Variants in EPHB1 observed in about 807,000 individuals in gnomAD.
EPHB1 encodes the protein EPH receptor B1.
Under a neutral mutation model 94.4 loss-of-function variants are expected in EPHB1, and 30 were observed. That is an observed-to-expected ratio of 0.32 (90% CI 0.24 to 0.43). The LOEUF (loss-of-function observed/expected upper bound fraction) is 0.43. Ranked by LOEUF, EPHB1 falls within the 20% of genes least tolerant of loss-of-function variation. EPHB1 has a pLI of 1.00. For missense variants in EPHB1, 1,055 were observed against 1,308.3 expected (o/e 0.81, Z 2.99); for synonymous variants, 522 against 489.1 (o/e 1.07, Z -0.89).
At chr3:135,058,823 T>C (rs1383737743) in intron 3 of EPHB1, among the ~76,000 whole-genome samples, 1 of 152,224 alleles carries the variant, frequency 6.6e-6, no homozygotes, top group Non-Finnish European at 1.5e-5. Context: ...GTAGGTGGGT[T>C]TCTTCCCTGC....
intron 1 of EPHB1, among the ~76,000 whole-genome samples, chr3:134,804,542 T>C (rs938903057): frequency 6.6e-6 from 1 of 152,128 alleles, no homozygotes; most frequent in Non-Finnish European, 1.5e-5. Flanking sequence ...TGTGCCTGGA[T>C]CTTGGTGGGT....
intron 1 of EPHB1, among the ~76,000 whole-genome samples, chr3:134,858,648 T>C (rs2037177320): frequency 6.6e-6 from 1 of 152,130 alleles, no homozygotes. Context: ...GCGTCTCTGC[T>C]CTGGAAAGGC....
At chr3:135,062,706 T>C (rs939204016) in intron 3 of EPHB1, among the ~76,000 whole-genome samples, 2 of 152,196 alleles carry the variant, frequency 1.3e-5, no homozygotes, top group Non-Finnish European at 2.9e-5. Context: ...CCCAGCTATT[T>C]ATCTTTGTTT....
intron 1 of EPHB1, among the ~76,000 whole-genome samples, chr3:134,861,601 G>A (rs1030801434): frequency 5.9e-5 from 9 of 152,220 alleles, no homozygotes; most frequent in African/African-American, 1.7e-4. Context: ...TTACGGAAGG[G>A]ATGGGAGCGG....
chr3:135,218,157 C>A lies in EPHB1; in HGVS notation c.2346+16468C>A, dbSNP rs911291461. Among the ~76,000 whole-genome samples, 8 of 152,196 alleles carry A rather than the reference C, an allele frequency of 5.3e-5. 2 individuals carry two copies. The highest frequency in any genetic ancestry group is 5.2e-4 in the Admixed American group (8 of 15,300). On this transcript the variant is annotated intron_variant, in intron 12 of 15. Transcript: ENST00000398015. Reference sequence around the variant, plus strand: ...GGAGAGGGATGAAGACAAGCAAAGACAAGACAGAGAGACCCTTTAATTGAA... The same window carrying A: ...GGAGAGGGATGAAGACAAGCAAAGAAAAGACAGAGAGACCCTTTAATTGAA...
chr3:135,256,721 C>CTTTGTGGCGTTCTCTGTATT (rs1933409541), intron 15 of EPHB1, among the ~76,000 whole-genome samples: 1 of 152,070 alleles, frequency 6.6e-6, no homozygotes, highest in Admixed American at 6.5e-5. Context: ...CGAGGAGTAT[C>CTTTGTGGCGTTCTCTGTATT]TTTGTGGCGT....
At chr3:135,160,901 T>A (rs914081632) in intron 6 of EPHB1, among the ~76,000 whole-genome samples, 3 of 152,094 alleles carry the variant, frequency 2.0e-5, no homozygotes, top group African/African-American at 7.2e-5. Context: ...CCTAAGCAAA[T>A]GTCTGCTGGC....
Position 135,077,212 on chromosome 3 carries a change from G to A in EPHB1, c.806-29236G>A, listed in dbSNP as rs1431039635. On this transcript the variant is annotated intron_variant, in intron 3 of 15. Transcript: ENST00000398015. ...GGAGAGTGGGCTTTGGACCCCGTGGGACAAGTCTCAGCCTCCAGGGAAGGC... is the reference window on the plus strand; with the variant it reads ...GGAGAGTGGGCTTTGGACCCCGTGGAACAAGTCTCAGCCTCCAGGGAAGGC... Among the ~76,000 whole-genome samples the A allele has an allele frequency of 4.6e-5, 7 of 152,176 alleles. No individual in the cohort carries two copies. In the East Asian group the frequency reaches 1.3e-3, roughly 29 times the overall value.
intron 3 of EPHB1, among the ~76,000 whole-genome samples, chr3:135,097,168 G>GTTTTTTTTTTTTTTT (rs145129220): frequency 6.7e-5 from 7 of 104,562 alleles, no homozygotes; most frequent in African/African-American, 1.4e-4. Flanking sequence ...TTTTTTCTTT[G>GTTTTTTTTTTTTTTT]TTTTTTTTTT....
chr3:134,798,780 G>C (rs963434115), intron 1 of EPHB1, among the ~76,000 whole-genome samples: 1 of 152,208 alleles, frequency 6.6e-6, no homozygotes, highest in Non-Finnish European at 1.5e-5. Context: ...TCTCTGAGCT[G>C]CGTCTTGTCT....
intron 4 of EPHB1, among the ~76,000 whole-genome samples, chr3:135,120,916 C>G (rs898404617): frequency 1.2e-4 from 18 of 152,238 alleles, no homozygotes; most frequent in African/African-American, 3.9e-4. Flanking sequence ...TGTGGAGATG[C>G]AGGACTCCTC....
chr3:135,225,761 G>A (rs1278321411), intron 12 of EPHB1, among the ~76,000 whole-genome samples: 1 of 151,692 alleles, frequency 6.6e-6, no homozygotes, highest in Non-Finnish European at 1.5e-5. Context: ...TGGAGGAGGG[G>A]AAACTGAGGT....
chr3:134,935,580 A>G (rs1278801997), intron 2 of EPHB1, among the ~76,000 whole-genome samples: 1 of 152,192 alleles, frequency 6.6e-6, no homozygotes, highest in Admixed American at 6.5e-5. Context: ...ATAAGATCTT[A>G]TATATAGAGT....
At chr3:134,999,180 A>G (rs1358387815) in intron 3 of EPHB1, among the ~76,000 whole-genome samples, 1 of 152,186 alleles carries the variant, frequency 6.6e-6, no homozygotes, top group Non-Finnish European at 1.5e-5. Context: ...GGGTTGAGAA[A>G]GTGGAAGCAG....
chr3:135,002,291 G>C (rs1300648438), intron 3 of EPHB1, among the ~76,000 whole-genome samples: 1 of 152,184 alleles, frequency 6.6e-6, no homozygotes, highest in East Asian at 1.9e-4. Flanking sequence ...GCATCCCAGG[G>C]ATGAAGCCCA....
At chr3:134,894,365 T>C (rs1192008089) in intron 1 of EPHB1, among the ~76,000 whole-genome samples, 2 of 152,220 alleles carry the variant, frequency 1.3e-5, no homozygotes, top group East Asian at 3.8e-4. Flanking sequence ...TATCTAAGGC[T>C]CCTTGTAATC....
intron 4 of EPHB1, 90 bp downstream of exon 4, chr3:135,106,693 C>T (rs184871051): frequency 4.2e-4 from 634 of 1,515,050 alleles, no homozygotes; most frequent in Non-Finnish European, 5.3e-4. Context: ...AAGACATCAT[C>T]CTTTGATCCC....
At chr3:134,944,997 A>G (rs1458459850) in intron 2 of EPHB1, among the ~76,000 whole-genome samples, 1 of 152,210 alleles carries the variant, frequency 6.6e-6, no homozygotes, top group Non-Finnish European at 1.5e-5. Flanking sequence ...AACAACTCAC[A>G]CTTTATGAAG....
intron 3 of EPHB1, among the ~76,000 whole-genome samples, chr3:135,012,907 G>A (rs1476576147): frequency 1.3e-5 from 2 of 152,150 alleles, no homozygotes; most frequent in Non-Finnish European, 2.9e-5. Flanking sequence ...CATACACCCA[G>A]CATTTCATAT....
Sources: allele counts gnomAD v4.1 joint callset (sites outside exome capture counted in the v4.1 genomes callset), GRCh38; gene constraint gnomAD v4.1.1; transcripts MANE v1.5; gene names NCBI Gene and HGNC (gene_info 2026-07-23, HGNC 2026-07-21).